The following ABHD10 variants were observed in gnomAD, a reference collection of about 807,000 sequenced individuals.
ABHD10 encodes abhydrolase domain containing 10, depalmitoylase, also known as palmitoyl-protein thioesterase ABHD10, mitochondrial.
ABHD10 carries 22 observed loss-of-function variants against 33.1 expected under a neutral mutation model. The ratio of observed to expected loss-of-function variants is 0.66; its 90% CI spans 0.47 to 0.95. ABHD10 has a LOEUF of 0.95. Among genes scored for constraint, ABHD10 ranks in the 40% least tolerant of loss-of-function variants. ABHD10 has a pLI of 0.00. For missense variants in ABHD10, 352 were observed against 379.9 expected, an observed-to-expected ratio of 0.93 and a Z score of 0.61; for synonymous variants, 146 against 133.9, an observed-to-expected ratio of 1.09 and a Z score of -0.62.
intron 2 of ABHD10, among the ~76,000 whole-genome samples, chr3:111,983,611 ATTCTC>A (rs2072614985): frequency 6.6e-6 from 1 of 152,136 alleles, no homozygotes; most frequent in African/African-American, 2.4e-5. Context: ...TTTATCTTCT[ATTCTC>A]TAATTTTTCA....
intron 1 of ABHD10, among the ~76,000 whole-genome samples, 191 bp downstream of exon 1, chr3:111,979,394 G>A (rs1032378296): frequency 6.6e-6 from 1 of 152,242 alleles, no homozygotes; most frequent in African/African-American, 2.4e-5. Context: ...GCGGCCCTGC[G>A]GCATTCTGGG....
Position 111,981,889 on chromosome 3 carries a change from G to A in ABHD10, c.248G>A (p.Gly83Asp). The A allele has an allele frequency of 6.2e-7, 1 of 1,607,596 alleles. No homozygotes were observed. The highest frequency in any genetic ancestry group is 8.5e-7 in the Non-Finnish European group (1 of 1,175,444). The change falls in exon 2 of 5, where the codon GGC becomes GAC. Residue 83 changes from glycine (G) to aspartate (D), a missense_variant. By Grantham distance (94) the Gly-to-Asp change is moderately conservative. Coordinates refer to ENST00000273359, the MANE Select transcript of ABHD10 (RefSeq NM_018394.4). ...GKSPGIIFIPGYLSYMNGTKA... is the reference protein window; with the variant it reads ...GKSPGIIFIPDYLSYMNGTKA... ...AGTCCAGGAATTATCTTCATCCCTG[G>A]CTATCTTTCTTATATGAATGGTACA... is the stretch of plus-strand genomic sequence containing the variant.
rs1191406176 is a variant in ABHD10 at position 111,991,733 on chromosome 3, T to C, written c.*12T>C. 1.3e-6 allele frequency: 2 copies of C among 1,582,752 alleles called. No individual in the cohort carries two copies. The highest frequency in any genetic ancestry group is 2.2e-5 in the East Asian group (1 of 44,704). On this transcript the variant is annotated 3_prime_UTR_variant, in exon 5 of 5. Transcript: ENST00000273359. ...CTATAGTTAACTAGTATCACATGTT[T>C]AGTTGGTATGTAAACTAATGTATCC...
intron 1 of ABHD10, among the ~76,000 whole-genome samples, chr3:111,979,405 C>A (rs1394030915): frequency 6.6e-6 from 1 of 152,244 alleles, no homozygotes; most frequent in Non-Finnish European, 1.5e-5. Context: ...GCATTCTGGG[C>A]ACCCCGGGCC....
intron 2 of ABHD10, among the ~76,000 whole-genome samples, chr3:111,984,084 C>T (rs902824811): frequency 1.3e-5 from 2 of 152,074 alleles, no homozygotes; most frequent in African/African-American, 4.8e-5. Context: ...GTAAAAGATG[C>T]CACATTCAGC....
chr3:111,988,458 A>G (rs1035136254), intron 4 of ABHD10, among the ~76,000 whole-genome samples: 2 of 152,208 alleles, frequency 1.3e-5, no homozygotes, highest in Non-Finnish European at 1.5e-5. Context: ...ACTCAATAAT[A>G]CAGCGCTTCT....
intron 4 of ABHD10, among the ~76,000 whole-genome samples, chr3:111,991,140 CT>C (rs1474371775): frequency 6.6e-6 from 1 of 152,092 alleles, no homozygotes; most frequent in African/African-American, 2.4e-5. Flanking sequence ...ATAATATCCT[CT>C]TTTATAAAAA....
At chr3:111,984,528 T>C (rs918759071) in intron 2 of ABHD10, among the ~76,000 whole-genome samples, 4 of 152,156 alleles carry the variant, frequency 2.6e-5, no homozygotes, top group Non-Finnish European at 5.9e-5. Flanking sequence ...CATCAATTTG[T>C]CTAAAGCAGT....
In ABHD10 at chr3:111,986,333, A is replaced by G; in HGVS notation, c.396A>G (p.Lys132=). Residue 132 remains lysine (K), a synonymous_variant, in exon 3 of 5, where the codon AAA becomes AAG. Transcript: ENST00000273359. ...SEESTLGKWR[K]DVLSIIDDLA... is the part of the protein sequence containing the mutation. ...AAAGCACACTGGGGAAATGGAGAAA[A>G]GATGTTCTTTCTATAATTGATGACT... 6.2e-7 allele frequency: 1 copy of G among 1,613,986 alleles called. No individual in the cohort carries two copies. Among genetic ancestry groups the G allele is most frequent in the South Asian group, 1.1e-5 (1 of 91,078 alleles).
rs2072743122 is a variant in ABHD10 at position 111,991,796 on chromosome 3, A to G, written c.*75A>G. The G allele has an allele frequency of 8.4e-7, 1 of 1,195,608 alleles. No individual in the cohort carries two copies. The allele number at this position is 1,195,608 out of a possible 1,614,324, so 74.1% of individuals were successfully genotyped here. ...GAGGGATAAGAAATGAAAGATCCTG[A>G]TACTTTAGGTTTTTCCCTTTCCTCT... On this transcript the variant is annotated 3_prime_UTR_variant, in exon 5 of 5. Coordinates refer to ENST00000273359, the MANE Select transcript of ABHD10 (RefSeq NM_018394.4).
intron 2 of ABHD10, 65 bp downstream of exon 2, chr3:111,982,032 G>A: frequency 8.2e-7 from 1 of 1,215,536 alleles, no homozygotes; most frequent in South Asian, 2.7e-5. Flanking sequence ...AATTACTTCT[G>A]TTCTAATCAG....
In ABHD10 at chr3:111,992,912, G is replaced by C. The variant is rs760032783; in HGVS notation, c.*1191G>C. On this transcript the variant is annotated 3_prime_UTR_variant, in exon 5 of 5. Transcript: ENST00000273359. ...AAAAAAGTGTTAATGAAGCCGACCT[G>C]ACTACTTAACCTTAGAGACCTGCTT... 2.0e-5 allele frequency: 3 copies of C among 152,226 alleles called. No homozygotes were observed. Among genetic ancestry groups the C allele is most frequent in the Non-Finnish European group, 4.4e-5 (3 of 68,036 alleles). 9.4% of individuals were successfully genotyped at this position (152,226 alleles called of 1,614,324 possible).
chr3:111,990,731 AT>A, intron 4 of ABHD10: 1 of 1,423,710 alleles, frequency 7.0e-7, no homozygotes, highest in Non-Finnish European at 9.3e-7. Flanking sequence ...ATTTCTTTAC[AT>A]TCAGCCTAAA....
rs774517960 is a variant in ABHD10 at position 111,979,218 on chromosome 3, G to A, written c.142+15G>A. ...GTGGCTCCCAGGTCAGTGTCCGAAA[G>A]GCGGGAGTAGGATGCGTTCTTTCGA... On this transcript the variant is annotated intron_variant, in intron 1 of 4. Transcript: ENST00000273359. The A allele has an allele frequency of 1.0e-5, 16 of 1,587,976 alleles. No homozygotes were observed. The highest frequency in any genetic ancestry group is 3.4e-5 in the Admixed American group (2 of 58,290).
chr3:111,986,480 G>A lies in ABHD10; in HGVS notation c.438+105G>A, dbSNP rs1191192800. On this transcript the variant is annotated intron_variant, in intron 3 of 4. Coordinates refer to ENST00000273359, the MANE Select transcript of ABHD10 (RefSeq NM_018394.4). ...AGATGGAGTCTCGTGCTGTCACCCA[G>A]CCTGGAGTGCAGTGGCGCAATCTTG... is the stretch of plus-strand genomic sequence containing the variant. 10 of 792,906 alleles carry A rather than the reference G, an allele frequency of 1.3e-5. No homozygotes were observed. In the South Asian group the frequency reaches 1.4e-4, roughly 11 times the overall value. 49.1% of individuals were successfully genotyped at this position (792,906 alleles called of 1,614,324 possible). A position where few individuals can be genotyped will look rare whatever the true frequency, so the allele number is the denominator to read the frequency against.
Position 111,991,718 on chromosome 3 carries a change from C to G in ABHD10, c.918C>G (p.Asn306Lys). 1 of 1,606,322 alleles carries G rather than the reference C, an allele frequency of 6.2e-7. No individual in the cohort carries two copies. Among genetic ancestry groups the G allele is most frequent in the African/African-American group, 1.3e-5 (1 of 74,740 alleles). ...TTGATAAGCTCTCAACTATAGTTAA[C>G]TAGTATCACATGTTTAGTTGGTATG... ...DLIDKLSTIV[N>K] The change falls in exon 5 of 5, where the codon AAC becomes AAG. Residue 306 changes from asparagine to lysine, a missense_variant. Coordinates refer to ENST00000273359, the MANE Select transcript of ABHD10 (RefSeq NM_018394.4).
chr3:111,984,241 T>C (rs1355509254), intron 2 of ABHD10, among the ~76,000 whole-genome samples: 1 of 152,172 alleles, frequency 6.6e-6, no homozygotes, highest in Non-Finnish European at 1.5e-5. Flanking sequence ...CCAGTTGCCC[T>C]GTTCTATTTC....
intron 2 of ABHD10, 93 bp from the exon 3 acceptor site, chr3:111,986,171 C>T: frequency 1.5e-6 from 1 of 665,392 alleles, no homozygotes; most frequent in South Asian, 2.0e-5. Flanking sequence ...TCACTATAAG[C>T]ATTATAGTAA....
chr3:111,985,463 G>A lies in ABHD10; in HGVS notation c.327-801G>A, dbSNP rs148793270. Among the ~76,000 whole-genome samples, 508 of 152,234 alleles carry A rather than the reference G, an allele frequency of 3.3e-3. 4 individuals are homozygous for A. The highest frequency in any genetic ancestry group is 0.014 in the Middle Eastern group (4 of 294). ...AATATACACTAAGCACCTACCACTCGCAAGGAACTGAACTAGGCACTAGGA... is the reference window on the plus strand; with the variant it reads ...AATATACACTAAGCACCTACCACTCACAAGGAACTGAACTAGGCACTAGGA... On this transcript the variant is annotated intron_variant, in intron 2 of 4. Transcript: ENST00000273359.
Sources: gnomAD v4.1 joint callset for allele counts (sites outside exome capture counted in the v4.1 genomes callset) on GRCh38, gnomAD v4.1.1 for gene constraint, MANE v1.5 for transcripts, NCBI Gene and HGNC (gene_info 2026-07-23, HGNC 2026-07-21) for gene names.